The following PHACTR1 variants were observed in gnomAD, a reference collection of about 807,000 sequenced individuals.
PHACTR1 encodes the protein RPEL repeat containing 1.
A neutral mutation model predicts 69.2 loss-of-function variants in PHACTR1; 16 were observed. That is an observed-to-expected ratio of 0.23 (90% CI 0.16 to 0.35). The LOEUF (loss-of-function observed/expected upper bound fraction) is 0.35, where lower values mean the gene tolerates loss of function less well. Among genes scored for constraint, PHACTR1 ranks in the 10% least tolerant of loss-of-function variants. The pLI is 1.00. For synonymous variants in PHACTR1, 312 were observed against 284.5 expected (o/e 1.10, Z -0.97); for missense variants, 510 against 734.7 (o/e 0.69, Z 3.54).
chr6:13,094,300 C>CT (rs11399921), intron 5 of PHACTR1, among the ~76,000 whole-genome samples: 108,813 of 145,132 alleles, frequency 0.75, 40,999 homozygotes, highest in East Asian at 0.92. Context: ...GATAAAGTGT[C>CT]TTTTTTTTTT....
intron 4 of PHACTR1, among the ~76,000 whole-genome samples, chr6:12,756,992 A>C (rs767272073): frequency 1.3e-5 from 2 of 152,172 alleles, no homozygotes; most frequent in Non-Finnish European, 2.9e-5. Context: ...ACTTTCATGA[A>C]TTTTTACTAC....
In PHACTR1 at chr6:13,275,919, A is replaced by G. The variant is rs918930513; in HGVS notation, c.1448-2349A>G. Reference sequence around the variant, plus strand: ...CCTCCCCATTTAACTCTGCTAGATTAATTCATACTAAGATATTAATGGCTG... The same window carrying G: ...CCTCCCCATTTAACTCTGCTAGATTGATTCATACTAAGATATTAATGGCTG... On this transcript the variant is annotated intron_variant, in intron 11 of 14. Coordinates refer to ENST00000332995, the MANE Select transcript of PHACTR1 (RefSeq NM_030948.6). This position sits in a 1 kb window ranked among gnomAD's most constrained non-coding sequence, Gnocchi z 4.0. The G allele has an allele frequency of 6.6e-6, 1 of 152,128 alleles. No individual in the cohort carries two copies. Among genetic ancestry groups the G allele is most frequent in the Non-Finnish European group, 1.5e-5 (1 of 68,036 alleles). 9.4% of individuals were successfully genotyped at this position (152,128 alleles called of 1,614,324 possible). A position where few individuals can be genotyped will look rare whatever the true frequency, so the allele number is the denominator to read the frequency against.
chr6:13,259,240 G>A (rs1286914156), intron 10 of PHACTR1, among the ~76,000 whole-genome samples: 3 of 152,090 alleles, frequency 2.0e-5, no homozygotes, highest in African/African-American at 7.2e-5. Flanking sequence ...CCTGACATGG[G>A]GTTTATGTCC....
At chr6:12,745,914 C>A (rs1287226638) in intron 3 of PHACTR1, among the ~76,000 whole-genome samples, 1 of 152,130 alleles carries the variant, frequency 6.6e-6, no homozygotes, top group African/African-American at 2.4e-5. Context: ...GTGGCACCCA[C>A]CATCTTGATG....
At chr6:12,809,325 A>C (rs1774756509) in intron 4 of PHACTR1, among the ~76,000 whole-genome samples, 1 of 152,112 alleles carries the variant, frequency 6.6e-6, no homozygotes, top group Non-Finnish European at 1.5e-5. Context: ...AAAATCAATC[A>C]CCCTAGTGCA....
At chr6:12,755,598 A>G (rs990272708) in intron 4 of PHACTR1, among the ~76,000 whole-genome samples, 6 of 152,206 alleles carry the variant, frequency 3.9e-5, no homozygotes, top group African/African-American at 1.4e-4. Context: ...AGGCACATTT[A>G]TATACAAAAT....
chr6:12,750,145 C>T (rs563424160), intron 4 of PHACTR1, among the ~76,000 whole-genome samples: 94 of 152,244 alleles, frequency 6.2e-4, no homozygotes, highest in Middle Eastern at 3.4e-3. Flanking sequence ...GCGAGGTTGG[C>T]TGGCGCGGCT....
At chr6:13,218,774 AAAGAAG>A (rs1216524191) in intron 8 of PHACTR1, among the ~76,000 whole-genome samples, 2 of 150,496 alleles carry the variant, frequency 1.3e-5, no homozygotes, top group East Asian at 1.9e-4. Context: ...AGCTATTTAA[AAAGAAG>A]AAGAAGAAGA....
chr6:13,137,056 A>G (rs894881281), intron 5 of PHACTR1, among the ~76,000 whole-genome samples: 6 of 152,248 alleles, frequency 3.9e-5, no homozygotes, highest in African/African-American at 1.2e-4. Context: ...TGCTCAATCC[A>G]GAGTTGTCAC....
intron 4 of PHACTR1, among the ~76,000 whole-genome samples, chr6:12,860,798 T>C (rs1165711138): frequency 6.6e-6 from 1 of 152,248 alleles, no homozygotes; most frequent in Non-Finnish European, 1.5e-5. Context: ...ATGTCTTCTT[T>C]TGAAAAGTGT....
chr6:12,996,369 A>T (rs1434719172), intron 4 of PHACTR1, among the ~76,000 whole-genome samples: 2 of 152,170 alleles, frequency 1.3e-5, no homozygotes, highest in Non-Finnish European at 2.9e-5. Flanking sequence ...GCACAAACAG[A>T]CTATTAGAAG....
intron 3 of PHACTR1, among the ~76,000 whole-genome samples, chr6:12,737,002 T>C (rs1168334235): frequency 2.7e-5 from 4 of 150,552 alleles, no homozygotes; most frequent in Non-Finnish European, 5.9e-5. Context: ...TATGTATATG[T>C]ATATACATAT....
intron 4 of PHACTR1, among the ~76,000 whole-genome samples, chr6:12,758,109 C>T (rs1767571302): frequency 6.6e-6 from 1 of 151,168 alleles, no homozygotes; most frequent in African/African-American, 2.4e-5. Flanking sequence ...GAAACTCTGT[C>T]TCAAAAAAAA....
chr6:13,183,029 A>G (rs1422914477), intron 7 of PHACTR1, among the ~76,000 whole-genome samples: 3 of 152,198 alleles, frequency 2.0e-5, no homozygotes, highest in African/African-American at 7.2e-5. Flanking sequence ...CTACATTTCT[A>G]TATGATACCT....
At chr6:12,924,955 A>G (rs73726220) in intron 4 of PHACTR1, among the ~76,000 whole-genome samples, 15,765 of 152,024 alleles carry the variant, frequency 0.1, 1,846 homozygotes, top group African/African-American at 0.29. Context: ...TTACCCCTCA[A>G]TACATACCAT....
chr6:13,253,540 TG>T (rs1478877599), intron 10 of PHACTR1, among the ~76,000 whole-genome samples: 1 of 152,208 alleles, frequency 6.6e-6, no homozygotes, highest in Non-Finnish European at 1.5e-5. Flanking sequence ...TCTTTGTCCT[TG>T]CCCCACAGTT....
intron 5 of PHACTR1, among the ~76,000 whole-genome samples, chr6:13,117,110 TG>T (rs1472768334): frequency 3.3e-5 from 5 of 152,182 alleles, no homozygotes; most frequent in African/African-American, 1.2e-4. Flanking sequence ...AGGTGTCCCA[TG>T]GGAAGAAGTC....
intron 4 of PHACTR1, among the ~76,000 whole-genome samples, chr6:12,889,116 T>A (rs1783917181): frequency 6.6e-6 from 1 of 151,506 alleles, no homozygotes; most frequent in African/African-American, 2.4e-5. Context: ...CTAGAAAAAA[T>A]CAAAATAATT....
chr6:13,231,186 G>A (rs1771021982), intron 10 of PHACTR1, among the ~76,000 whole-genome samples: 1 of 118,222 alleles, frequency 8.5e-6, no homozygotes, highest in Admixed American at 8.4e-5. Context: ...AGGGAGGGAG[G>A]GAGGAAGGAA....
Sources: gnomAD v4.1 joint callset for allele counts (sites outside exome capture counted in the v4.1 genomes callset) on GRCh38, gnomAD v4.1.1 for gene constraint, Gnocchi (gnomAD v3.1) non-coding constraint, MANE v1.5 for transcripts, NCBI Gene and HGNC (gene_info 2026-07-23, HGNC 2026-07-21) for gene names.